The following PTPRK variants were observed in gnomAD, a reference collection of about 807,000 sequenced individuals.
PTPRK encodes the protein protein tyrosine phosphatase receptor type K.
Under a neutral mutation model 178.0 loss-of-function variants are expected in PTPRK, and 75 were observed. That is an observed-to-expected ratio of 0.42 (90% CI 0.35 to 0.51). The LOEUF (loss-of-function observed/expected upper bound fraction) is 0.51. Among genes scored for constraint, PTPRK ranks in the 20% least tolerant of loss-of-function variants. The pLI is 0.02. For synonymous variants in PTPRK, 637 were observed against 620.6 expected (o/e 1.03, Z -0.39); for missense variants, 1,441 against 1,797.8 (o/e 0.80, Z 3.59).
intron 6 of PTPRK, among the ~76,000 whole-genome samples, chr6:128,192,779 T>C (rs1474895052): frequency 2.1e-5 from 3 of 141,756 alleles, no homozygotes; most frequent in African/African-American, 7.9e-5. Context: ...ATCACGCTAC[T>C]GCACTCCAGT....
intron 13 of PTPRK, among the ~76,000 whole-genome samples, chr6:128,049,007 A>C (rs1477876517): frequency 6.6e-6 from 1 of 152,208 alleles, no homozygotes; most frequent in East Asian, 1.9e-4. Context: ...TGCTATAGAA[A>C]TATTGATATC....
rs550967242 is a variant in PTPRK at position 128,079,176 on chromosome 6, TGA to T, written c.1778-260_1778-259del. Among the ~76,000 whole-genome samples the T allele has an allele frequency of 2.0e-3, 298 of 152,112 alleles. 2 individuals carry two copies. The highest frequency in any genetic ancestry group is 6.9e-3 in the African/African-American group (287 of 41,514). ...TATGACACACATTCCAAATATTTTG[TGA>T]AGATGCTTTCCTTTTAGTTTCCTGA... On this transcript the variant is annotated intron_variant, in intron 10 of 29. Coordinates refer to ENST00000368226, the MANE Select transcript of PTPRK (RefSeq NM_002844.4).
chr6:128,052,868 A>G (rs1779253930), intron 13 of PTPRK, among the ~76,000 whole-genome samples: 1 of 152,164 alleles, frequency 6.6e-6, no homozygotes, highest in African/African-American at 2.4e-5. Context: ...TTCTCAAGTA[A>G]TAGGCCTCTA....
At chr6:128,477,836 G>C (rs6937769) in intron 1 of PTPRK, among the ~76,000 whole-genome samples, 2 of 151,834 alleles carry the variant, frequency 1.3e-5, no homozygotes, top group Non-Finnish European at 2.9e-5. Context: ...ATTAAAATCC[G>C]TCTTTTTTCA....
chr6:128,345,351 C>A (rs1248987545), intron 2 of PTPRK, among the ~76,000 whole-genome samples: 1 of 152,088 alleles, frequency 6.6e-6, no homozygotes, highest in Non-Finnish European at 1.5e-5. Context: ...AACAAAATCT[C>A]TGAGAGTGGC....
chr6:128,464,648 TATATATATATATATATATATATATATAC>T (rs1849579161), intron 1 of PTPRK, among the ~76,000 whole-genome samples: 2 of 93,976 alleles, frequency 2.1e-5, no homozygotes, highest in Non-Finnish European at 4.1e-5. Context: ...CATATATATA[TATATATATATATATATATATATATATAC>T]AACAGATGGT....
intron 1 of PTPRK, among the ~76,000 whole-genome samples, chr6:128,461,071 C>A (rs1380679270): frequency 1.3e-5 from 2 of 152,082 alleles, no homozygotes; most frequent in Admixed American, 6.6e-5. Context: ...TTACATTCAT[C>A]TTTTTTCATT....
chr6:128,387,683 T>G (rs1254819004), intron 2 of PTPRK, among the ~76,000 whole-genome samples: 4 of 152,156 alleles, frequency 2.6e-5, no homozygotes, highest in Non-Finnish European at 5.9e-5. Context: ...GTTCCCTTAT[T>G]TATTCCACAT....
intron 1 of PTPRK, among the ~76,000 whole-genome samples, chr6:128,472,147 C>T (rs369002384): frequency 6.6e-6 from 1 of 152,200 alleles, no homozygotes; most frequent in African/African-American, 2.4e-5. Flanking sequence ...GAGGATAAAG[C>T]CAAGTGAAAT....
chr6:128,395,902 T>C (rs4352700), intron 2 of PTPRK, among the ~76,000 whole-genome samples: 6,995 of 152,206 alleles, frequency 0.046, 573 homozygotes, highest in African/African-American at 0.16. Flanking sequence ...CATTCTATTA[T>C]AAAAGTACAC....
chr6:128,508,947 C>CAAA (rs11418015), intron 1 of PTPRK, among the ~76,000 whole-genome samples: 2 of 132,842 alleles, frequency 1.5e-5, no homozygotes, highest in African/African-American at 2.7e-5. Context: ...AACTCCATCT[C>CAAA]AAAAAAAAAA....
At chr6:128,102,139 C>A (rs971937765) in intron 7 of PTPRK, among the ~76,000 whole-genome samples, 1 of 152,050 alleles carries the variant, frequency 6.6e-6, no homozygotes, top group Non-Finnish European at 1.5e-5. Flanking sequence ...AATATGTTTG[C>A]AATATATAGC....
intron 1 of PTPRK, among the ~76,000 whole-genome samples, chr6:128,414,431 C>G (rs1427179993): frequency 1.3e-5 from 2 of 152,086 alleles, no homozygotes; most frequent in African/African-American, 4.8e-5. Flanking sequence ...CCTCTGTCAG[C>G]CGATTTGATT....
chr6:127,976,285 G>A (rs968758932), intron 27 of PTPRK, among the ~76,000 whole-genome samples: 3 of 126,094 alleles, frequency 2.4e-5, no homozygotes, highest in African/African-American at 1.1e-4. Context: ...TTATTGCAAT[G>A]TTCTTATTTT....
intron 13 of PTPRK, among the ~76,000 whole-genome samples, chr6:128,014,961 A>T (rs919155194): frequency 1.1e-4 from 17 of 151,806 alleles, no homozygotes; most frequent in Middle Eastern, 3.4e-3. Context: ...TAGTTGGAAA[A>T]TAATTTATTC....
At chr6:128,298,874 A>C (rs1199104992) in intron 3 of PTPRK, among the ~76,000 whole-genome samples, 1 of 152,152 alleles carries the variant, frequency 6.6e-6, no homozygotes, top group East Asian at 1.9e-4. Flanking sequence ...GGTCAGGGCA[A>C]TTAGGCAGGA....
intron 2 of PTPRK, among the ~76,000 whole-genome samples, chr6:128,395,663 C>G (rs1243886487): frequency 6.6e-6 from 1 of 151,406 alleles, no homozygotes; most frequent in Non-Finnish European, 1.5e-5. Context: ...TTAAAATGCA[C>G]CAGGAAAATA....
chr6:128,101,730 T>C (rs1343532297), intron 7 of PTPRK, among the ~76,000 whole-genome samples: 1 of 152,148 alleles, frequency 6.6e-6, no homozygotes. Flanking sequence ...AGTGCCACTT[T>C]ATCTCATGTA....
chr6:128,365,759 C>G (rs1425434387), intron 2 of PTPRK, among the ~76,000 whole-genome samples: 3 of 152,006 alleles, frequency 2.0e-5, no homozygotes, highest in Non-Finnish European at 4.4e-5. Flanking sequence ...GGCTTCCAAG[C>G]CAATGATCTT....
Sources: allele counts gnomAD v4.1 joint callset (sites outside exome capture counted in the v4.1 genomes callset), GRCh38; gene constraint gnomAD v4.1.1; transcripts MANE v1.5; gene names NCBI Gene and HGNC (gene_info 2026-07-23, HGNC 2026-07-21).